Variants in CHRNA7 observed in about 807,000 individuals in gnomAD.
CHRNA7 encodes cholinergic receptor nicotinic alpha 7 subunit, also known as neuronal acetylcholine receptor subunit alpha-7.
CHRNA7 carries 17 observed loss-of-function variants against 48.0 expected under a neutral mutation model. That is an observed-to-expected ratio of 0.35 (90% CI 0.24 to 0.53). The LOEUF (loss-of-function observed/expected upper bound fraction) is 0.53. CHRNA7 is among the 20% of genes least tolerant of loss of function. The pLI is 0.92. For missense variants in CHRNA7, 155 were observed against 577.7 expected, an observed-to-expected ratio of 0.27 and a Z score of 7.50; for synonymous variants, 75 against 242.3, an observed-to-expected ratio of 0.31 and a Z score of 6.41.
chr15:32,060,570 G>T (rs557016926), intron 2 of CHRNA7, among the ~76,000 whole-genome samples: 22 of 152,232 alleles, frequency 1.4e-4, no homozygotes, highest in African/African-American at 4.3e-4. Context: ...CACAAGAAAA[G>T]TCTGGTAAAC....
intron 2 of CHRNA7, among the ~76,000 whole-genome samples, chr15:32,040,451 A>T (rs750292216): frequency 6.6e-6 from 1 of 151,920 alleles, no homozygotes; most frequent in African/African-American, 2.4e-5. Flanking sequence ...TGCAATATAC[A>T]TTTACAACTA....
rs1442415506 is a variant in CHRNA7 at position 32,049,024 on chromosome 15, G to C, written c.195+17987G>C. ...CTGAGTTCTAGTTTGATTGCACTGT[G>C]GTCTGTTCTTTTACATTTGCTGAGG... On this transcript the variant is annotated intron_variant, in intron 2 of 9. Transcript: ENST00000306901. Among the ~76,000 whole-genome samples the C allele has an allele frequency of 6.3e-5, 6 of 95,134 alleles. 2 individuals carry two copies. Among genetic ancestry groups the C allele is most frequent in the Middle Eastern group, 5.0e-3 (1 of 202 alleles). 62.4% of individuals were successfully genotyped at this position (95,134 alleles called of 152,430 possible).
At chr15:32,155,141 TCACA>T (rs1284608026) in intron 5 of CHRNA7, among the ~76,000 whole-genome samples, 1 of 59,130 alleles carries the variant, frequency 1.7e-5, no homozygotes, top group South Asian at 5.4e-4. Context: ...CTCACAACCC[TCACA>T]CACACCACTT....
chr15:32,053,701 G>A (rs2049733834), intron 2 of CHRNA7, among the ~76,000 whole-genome samples: 1 of 152,166 alleles, frequency 6.6e-6, no homozygotes, highest in African/African-American at 2.4e-5. Context: ...AGAGGCCTTG[G>A]AGTCACAGCT....
chr15:32,116,485 CCA>C (rs1566851113), intron 4 of CHRNA7, among the ~76,000 whole-genome samples: 2 of 152,178 alleles, frequency 1.3e-5, no homozygotes, highest in African/African-American at 4.8e-5. Flanking sequence ...GGTGCTGATC[CCA>C]GTCATTTCTT....
At chr15:32,114,371 A>G (rs1233934581) in intron 4 of CHRNA7, among the ~76,000 whole-genome samples, 1 of 152,082 alleles carries the variant, frequency 6.6e-6, no homozygotes, top group African/African-American at 2.4e-5. Flanking sequence ...AAATGTTACC[A>G]GGGTCCAGGC....
At chr15:32,092,948 A>G (rs142724238) in intron 2 of CHRNA7, among the ~76,000 whole-genome samples, 65 of 152,334 alleles carry the variant, frequency 4.3e-4, no homozygotes, top group Admixed American at 7.2e-4. Flanking sequence ...TGATATTGAA[A>G]TTACAGAAAT....
chr15:32,050,838 G>T (rs1174128991), intron 2 of CHRNA7, among the ~76,000 whole-genome samples: 7 of 152,086 alleles, frequency 4.6e-5, no homozygotes, highest in Non-Finnish European at 8.8e-5. Flanking sequence ...TGGATGTCCT[G>T]TCTGTTTGTT....
At chr15:32,112,636 CATGAAAA>C (rs2050782614) in intron 4 of CHRNA7, among the ~76,000 whole-genome samples, 1 of 152,168 alleles carries the variant, frequency 6.6e-6, no homozygotes, top group Non-Finnish European at 1.5e-5. Flanking sequence ...TAAATAACAT[CATGAAAA>C]GAAAGTTATT....
intron 2 of CHRNA7, among the ~76,000 whole-genome samples, chr15:32,064,442 C>T (rs1037540754): frequency 2.0e-5 from 3 of 151,634 alleles, no homozygotes; most frequent in African/African-American, 7.3e-5. Context: ...GAGCCTTTCT[C>T]ATGATGATAG....
At chr15:32,152,487 C>G (rs932884273) in intron 4 of CHRNA7, among the ~76,000 whole-genome samples, 1 of 152,078 alleles carries the variant, frequency 6.6e-6, no homozygotes, top group Non-Finnish European at 1.5e-5. Flanking sequence ...CAGGGAGGCA[C>G]CAGGGCCACG....
intron 2 of CHRNA7, among the ~76,000 whole-genome samples, chr15:32,092,296 A>G (rs979791133): frequency 1.3e-5 from 2 of 152,054 alleles, no homozygotes; most frequent in African/African-American, 4.8e-5. Context: ...TTATTCTGTT[A>G]TTTTATTAGC....
rs1370251340 is a variant in CHRNA7 at position 32,137,078 on chromosome 15, T to C, written c.351-16829T>C. Among the ~76,000 whole-genome samples, 6 of 129,366 alleles carry C rather than the reference T, an allele frequency of 4.6e-5. No homozygotes were observed. In the South Asian group the frequency reaches 1.5e-3, roughly 33 times the overall value. 84.9% of individuals were successfully genotyped at this position (129,366 alleles called of 152,430 possible). A position where few individuals can be genotyped will look rare whatever the true frequency, so the allele number is the denominator to read the frequency against. On this transcript the variant is annotated intron_variant, in intron 4 of 9. Coordinates refer to ENST00000306901, the MANE Select transcript of CHRNA7 (RefSeq NM_000746.6). ...AAAAAGAAAACAGGAGAAACCTAAA[T>C]GCAATCCAAGGAGGAAGAAGTCAAA...
At chr15:32,121,352 G>A (rs1251475993) in intron 4 of CHRNA7, among the ~76,000 whole-genome samples, 1 of 152,194 alleles carries the variant, frequency 6.6e-6, no homozygotes, top group Non-Finnish European at 1.5e-5. Flanking sequence ...TTTACCGTGG[G>A]TGGTCTCATC....
intron 2 of CHRNA7, among the ~76,000 whole-genome samples, chr15:32,050,117 A>T (rs1595385926): frequency 6.6e-6 from 1 of 151,894 alleles, no homozygotes; most frequent in Admixed American, 6.6e-5. Context: ...TCTGACAATT[A>T]TGTGTCTTGG....
intron 4 of CHRNA7, among the ~76,000 whole-genome samples, chr15:32,118,989 CAAA>C (rs66493443): frequency 4.1e-4 from 54 of 132,896 alleles, no homozygotes; most frequent in Non-Finnish European, 4.9e-4. Context: ...CTTCGAAATG[CAAA>C]AAAAAAAAAA....
chr15:32,037,231 G>T (rs1902136027), intron 2 of CHRNA7, among the ~76,000 whole-genome samples: 1 of 152,176 alleles, frequency 6.6e-6, no homozygotes, highest in African/African-American at 2.4e-5. Flanking sequence ...TCAAAGATCA[G>T]CTGATTATAT....
intron 3 of CHRNA7, chr15:32,102,105 A>G (rs138921476): frequency 9.9e-6 from 1 of 100,636 alleles, no homozygotes; most frequent in Non-Finnish European, 2.2e-5. Flanking sequence ...ATATAATTTT[A>G]TGTTTGAAAG....
rs1478699505 is a variant in CHRNA7, at chr15:32,139,401, A to G, written c.351-14506A>G. Reference sequence around the variant, plus strand: ...CAAGGGAAGGCAATTGTTGGATCACATGGAAAGAGTATGCTTCGTTTTGTA... The same window carrying G: ...CAAGGGAAGGCAATTGTTGGATCACGTGGAAAGAGTATGCTTCGTTTTGTA... On this transcript the variant is annotated intron_variant, in intron 4 of 9. Transcript: ENST00000306901. 2.0e-5 allele frequency among the ~76,000 whole-genome samples: 3 copies of G among 152,342 alleles called. No homozygotes were observed. The South Asian group carries it at 6.2e-4, about 32-fold the overall frequency.
Sources: gnomAD v4.1 joint callset for allele counts (sites outside exome capture counted in the v4.1 genomes callset) on GRCh38, gnomAD v4.1.1 for gene constraint, MANE v1.5 for transcripts, NCBI Gene and HGNC (gene_info 2026-07-23, HGNC 2026-07-21) for gene names.